The following TRIM27 variants were observed in gnomAD, a reference collection of about 807,000 sequenced individuals.
TRIM27 encodes tripartite motif containing 27.
TRIM27 carries 12 observed loss-of-function variants against 57.6 expected under a neutral mutation model. The ratio of observed to expected loss-of-function variants is 0.21; its 90% CI spans 0.13 to 0.34. The LOEUF (loss-of-function observed/expected upper bound fraction) is 0.34. Ranked by LOEUF, TRIM27 falls within the 10% of genes least tolerant of loss-of-function variation. The pLI, the probability that TRIM27 is intolerant of heterozygous loss-of-function variation, is 1.00. For missense variants in TRIM27, 403 were observed against 656.8 expected, an observed-to-expected ratio of 0.61 and a Z score of 4.22; for synonymous variants, 266 against 259.0, an observed-to-expected ratio of 1.03 and a Z score of -0.26.
In TRIM27 at chr6:28,920,236, TTAGGCTC is replaced by T; in HGVS notation, c.517-1_522del. ...ACAATCTTCTCCCTCTCCATCTGGG[TTAGGCTC>T]TATGCAGACGACAGGGAAAGGCAGT... is the stretch of plus-strand genomic sequence containing the variant. On this transcript the variant is annotated splice_acceptor_variant and coding_sequence_variant, in exon 3 of 8. Transcript: ENST00000377199. LOFTEE classifies it high-confidence loss of function. 6.2e-7 allele frequency: 1 copy of T among 1,606,160 alleles called. No homozygotes were observed. The highest frequency in any genetic ancestry group is 8.5e-7 in the Non-Finnish European group (1 of 1,174,896).
At chr6:28,907,081 A>G in intron 7 of TRIM27, 155 bp downstream of exon 7, 2 of 655,606 alleles carry the variant, frequency 3.1e-6, no homozygotes, top group Admixed American at 6.2e-5. Context: ...ACACATAGAA[A>G]CAACTGAGGA....
At chr6:28,922,020 A>C (rs1472348735) in intron 1 of TRIM27, 33 bp from the exon 2 acceptor site, 25 of 1,503,760 alleles carry the variant, frequency 1.7e-5, no homozygotes, top group Non-Finnish European at 2.2e-5. Flanking sequence ...GCAGTTCAAA[A>C]TTAGGTAGAC....
chr6:28,904,787 T>C lies in TRIM27; in HGVS notation c.947-122A>G. On this transcript the variant is annotated intron_variant, in intron 7 of 7. Coordinates refer to ENST00000377199, the MANE Select transcript of TRIM27 (RefSeq NM_006510.5). The surrounding 1 kb of genome is among the most constrained non-coding windows in gnomAD (Gnocchi z 6.1). ...CCCACTGGAGGTTGCACGTATTTTATTTAGAATATATTCTAAACTTCACAT... is the reference window on the plus strand; with the variant it reads ...CCCACTGGAGGTTGCACGTATTTTACTTAGAATATATTCTAAACTTCACAT... 1 of 670,614 alleles carries C rather than the reference T, an allele frequency of 1.5e-6. No individual in the cohort carries two copies. The highest frequency in any genetic ancestry group is 2.7e-5 in the East Asian group (1 of 36,620). The allele number at this position is 670,614 out of a possible 1,614,324, so 41.5% of individuals were successfully genotyped here. A position where few individuals can be genotyped will look rare whatever the true frequency, so the allele number is the denominator to read the frequency against.
intron 6 of TRIM27, chr6:28,907,690 C>G: frequency 2.3e-6 from 1 of 443,596 alleles, no homozygotes. Context: ...CATGACCATT[C>G]ATTTATAAGG....
chr6:28,912,389 T>C (rs927407212), intron 3 of TRIM27, among the ~76,000 whole-genome samples: 1 of 152,016 alleles, frequency 6.6e-6, no homozygotes, highest in Non-Finnish European at 1.5e-5. Context: ...GGATTACAAG[T>C]GTGAGCCAGC....
chr6:28,903,088 G>C lies in TRIM27; in HGVS notation c.*982C>G, dbSNP rs1296417370. On this transcript the variant is annotated 3_prime_UTR_variant, in exon 8 of 8. Transcript: ENST00000377199. ...TGAGAACCATCATGGGGGCTTGCTTGAAGTGATCTGCCCCAGCCTTCTGAC... is the reference window on the plus strand; with the variant it reads ...TGAGAACCATCATGGGGGCTTGCTTCAAGTGATCTGCCCCAGCCTTCTGAC... The C allele has an allele frequency of 4.4e-6, 1 of 229,854 alleles. No homozygotes were observed. Among genetic ancestry groups the C allele is most frequent in the Non-Finnish European group, 8.6e-6 (1 of 116,116 alleles). The allele number at this position is 229,854 out of a possible 1,614,324, so 14.2% of individuals were successfully genotyped here. A position where few individuals can be genotyped will look rare whatever the true frequency, so the allele number is the denominator to read the frequency against.
In TRIM27 at chr6:28,920,201, A is replaced by C; in HGVS notation, c.558T>G (p.Phe186Leu). The part of the protein sequence containing the change: ...QMEREKIVWE[F>L]EQLYHSLKEH... Reference sequence around the variant, plus strand: ...CCTTTAAGGAGTGATACAGCTGCTCAAACTCCCAAACAATCTTCTCCCTCT... The same window carrying C: ...CCTTTAAGGAGTGATACAGCTGCTCCAACTCCCAAACAATCTTCTCCCTCT... The change falls in exon 3 of 8, where the codon TTT becomes TTG. Residue 186 changes from phenylalanine (F) to leucine (L), a missense_variant. Coordinates refer to ENST00000377199, the MANE Select transcript of TRIM27 (RefSeq NM_006510.5). 1 of 1,613,078 alleles carries C rather than the reference A, an allele frequency of 6.2e-7. No individual in the cohort carries two copies. Among genetic ancestry groups the C allele is most frequent in the Non-Finnish European group, 8.5e-7 (1 of 1,179,180 alleles).
chr6:28,907,382 T>C, intron 6 of TRIM27, 120 bp from the exon 7 acceptor site: 1 of 952,830 alleles, frequency 1.0e-6, no homozygotes, highest in South Asian at 1.3e-5. Context: ...CCAGAACCTC[T>C]GTTGTTAGTC....
chr6:28,920,764 G>A (rs1247314487), intron 2 of TRIM27, among the ~76,000 whole-genome samples: 1 of 152,162 alleles, frequency 6.6e-6, no homozygotes, highest in Non-Finnish European at 1.5e-5. Context: ...GGAGGCTGGG[G>A]GTAAGGACTC....
chr6:28,922,464 C>T (rs1233851823), intron 1 of TRIM27, among the ~76,000 whole-genome samples: 1 of 152,188 alleles, frequency 6.6e-6, no homozygotes, highest in African/African-American at 2.4e-5. Flanking sequence ...CTGAAAGGTC[C>T]ATAAATGTTA....
intron 6 of TRIM27, 196 bp from the exon 7 acceptor site, chr6:28,907,458 AT>A: frequency 2.8e-6 from 2 of 714,326 alleles, no homozygotes; most frequent in South Asian, 3.0e-5. Context: ...GGGGAGAGGG[AT>A]TGGGAATCTT....
In TRIM27 at chr6:28,920,091, G is replaced by A; in HGVS notation, c.668C>T (p.Ser223Phe). 7 of 1,614,230 alleles carry A rather than the reference G, an allele frequency of 4.3e-6. No homozygotes were observed. The highest frequency in any genetic ancestry group is 5.9e-6 in the Non-Finnish European group (7 of 1,180,040). The change falls in exon 3 of 8, where the codon TCT becomes TTT. Residue 223 changes from serine to phenylalanine, a missense_variant. Ser to Phe is a radical substitution (Grantham distance 155). Coordinates refer to ENST00000377199, the MANE Select transcript of TRIM27 (RefSeq NM_006510.5). ...NSINGAITQF[S>F]CNISHLSSLI... ...GCTGCTGAGGTGGGAGATGTTGCAA[G>A]AGAACTGGGTGATGGCACCATTGAT... is the stretch of plus-strand genomic sequence containing the variant.
intron 3 of TRIM27, among the ~76,000 whole-genome samples, chr6:28,914,323 C>G (rs1177094548): frequency 6.6e-6 from 1 of 151,428 alleles, no homozygotes; most frequent in African/African-American, 2.4e-5. Context: ...TTAATAGCGA[C>G]GGGGTTTTGC....
chr6:28,908,811 G>C lies in TRIM27; in HGVS notation c.916C>G (p.Gln306Glu). 6.2e-7 allele frequency: 1 copy of C among 1,613,706 alleles called. No individual in the cohort carries two copies. The highest frequency in any genetic ancestry group is 8.5e-7 in the Non-Finnish European group (1 of 1,179,764). ...EKMQSDMEKI[Q>E]ELREAQLYSV... Reference sequence around the variant, plus strand: ...CCCAGTAGGTAGATAAATTTACCTTGGATTTTCTCCATATCTGACTGCATT... The same window carrying C: ...CCCAGTAGGTAGATAAATTTACCTTCGATTTTCTCCATATCTGACTGCATT... Residue 306 changes from glutamine (Q) to glutamate (E), a missense_variant, in exon 6 of 8, where the codon CAA (glutamine) becomes GAA (glutamate). Coordinates refer to ENST00000377199, the MANE Select transcript of TRIM27 (RefSeq NM_006510.5).
chr6:28,910,123 GAAAA>G (rs9278120), intron 4 of TRIM27, among the ~76,000 whole-genome samples: 1 of 97,612 alleles, frequency 1.0e-5, no homozygotes, highest in African/African-American at 3.4e-5. Flanking sequence ...AAAGAAAAAT[GAAAA>G]AAAAAAAAAA....
chr6:28,913,587 C>T (rs1773376826), intron 3 of TRIM27, among the ~76,000 whole-genome samples: 1 of 152,008 alleles, frequency 6.6e-6, no homozygotes, highest in African/African-American at 2.4e-5. Context: ...GAGTGTCTCT[C>T]CGACACTTCG....
In TRIM27 at chr6:28,911,525, G is replaced by GT. The variant is rs1773211481; in HGVS notation, c.770+170dup. On this transcript the variant is annotated intron_variant, in intron 4 of 7. Coordinates refer to ENST00000377199, the MANE Select transcript of TRIM27 (RefSeq NM_006510.5). Reference sequence around the variant, plus strand: ...CCCCCTACTTCCTGAATTTTACTGAGTAGAGCTGTGGTTCATCTAATTCTT... The same window carrying GT: ...CCCCCTACTTCCTGAATTTTACTGAGTTAGAGCTGTGGTTCATCTAATTCTT... 1.2e-5 allele frequency: 8 copies of GT among 663,734 alleles called. No homozygotes were observed. In the South Asian group the frequency reaches 1.7e-4, roughly 14 times the overall value. The allele number at this position is 663,734 out of a possible 1,614,324, so 41.1% of individuals were successfully genotyped here.
rs1774258821 is a variant in TRIM27 at position 28,923,750 on chromosome 6, G to A, written c.-118C>T. 8.4e-7 allele frequency: 1 copy of A among 1,192,490 alleles called. No individual in the cohort carries two copies. Among genetic ancestry groups the A allele is most frequent in the Non-Finnish European group, 1.1e-6 (1 of 881,416 alleles). The allele number at this position is 1,192,490 out of a possible 1,614,324, so 73.9% of individuals were successfully genotyped here. A position where few individuals can be genotyped will look rare whatever the true frequency, so the allele number is the denominator to read the frequency against. On this transcript the variant is annotated 5_prime_UTR_variant, in exon 1 of 8. Coordinates refer to ENST00000377199, the MANE Select transcript of TRIM27 (RefSeq NM_006510.5). ...CTGAGAGGCACCGGGCGGACGGAGG[G>A]CGGCGCCTCCCGGGCCCGTATCCCA... is the stretch of plus-strand genomic sequence containing the variant.
intron 4 of TRIM27, among the ~76,000 whole-genome samples, chr6:28,910,123 G>GAAAAA (rs9278120): frequency 1.0e-5 from 1 of 97,618 alleles, no homozygotes; most frequent in African/African-American, 3.4e-5. Flanking sequence ...AAAGAAAAAT[G>GAAAAA]AAAAAAAAAA....
Sources: gnomAD v4.1 joint callset for allele counts (sites outside exome capture counted in the v4.1 genomes callset) on GRCh38, gnomAD v4.1.1 for gene constraint, Gnocchi (gnomAD v3.1) non-coding constraint, MANE v1.5 for transcripts, NCBI Gene and HGNC (gene_info 2026-07-23, HGNC 2026-07-21) for gene names.